Variants in LRP2 observed in about 807,000 individuals in gnomAD.
LRP2 encodes the protein LDL receptor related protein 2.
A neutral mutation model predicts 531.0 loss-of-function variants in LRP2; 172 were observed. The ratio of observed to expected loss-of-function variants is 0.32; its 90% CI spans 0.29 to 0.37. The LOEUF is 0.37. LRP2 is among the 10% of genes least tolerant of loss of function. LRP2 has a pLI of 1.00. For missense variants in LRP2, 5,167 were observed against 5,868.3 expected (o/e 0.88, Z 3.90); for synonymous variants, 1,992 against 2,027.6 (o/e 0.98, Z 0.47).
At chr2:169,360,128 C>A (rs1292566286) in intron 1 of LRP2, among the ~76,000 whole-genome samples, 17 of 105,028 alleles carry the variant, frequency 1.6e-4, no homozygotes, top group Non-Finnish European at 1.8e-4. Flanking sequence ...CTGTCTCTCT[C>A]AAAAAAAAAA....
intron 1 of LRP2, among the ~76,000 whole-genome samples, chr2:169,324,534 C>CA (rs1048673263): frequency 2.5e-4 from 37 of 146,232 alleles, no homozygotes; most frequent in Non-Finnish European, 4.5e-4. Flanking sequence ...GAAAGCAATG[C>CA]AAAAAAAATT....
At chr2:169,145,015 C>A (rs1685857855) in intron 70 of LRP2, among the ~76,000 whole-genome samples, 1 of 152,148 alleles carries the variant, frequency 6.6e-6, no homozygotes, top group South Asian at 2.1e-4. Context: ...ACACAAGTTA[C>A]TAAATCTGTC....
intron 3 of LRP2, among the ~76,000 whole-genome samples, chr2:169,317,692 C>T (rs183403247): frequency 1.5e-3 from 232 of 152,156 alleles, no homozygotes; most frequent in Non-Finnish European, 2.5e-3. Flanking sequence ...TACAAATATC[C>T]TTAATAGAGA....
intron 1 of LRP2, among the ~76,000 whole-genome samples, chr2:169,338,329 A>G (rs1242061768): frequency 6.7e-6 from 1 of 149,608 alleles, no homozygotes; most frequent in African/African-American, 2.5e-5. Flanking sequence ...AATGTAAGAG[A>G]GACAGAGAAA....
Position 169,216,398 on chromosome 2 carries a change from C to T in LRP2, c.5681G>A (p.Ser1894Asn). 4 of 1,613,632 alleles carry T rather than the reference C, an allele frequency of 2.5e-6. No individual in the cohort carries two copies. Among genetic ancestry groups the T allele is most frequent in the Non-Finnish European group, 3.4e-6 (4 of 1,179,664 alleles). ...ACTGGCGATCTTGGCAGGAACCCCA[C>T]TGTCAGTTCCTTGGTCTGACCAGTA... Reference protein sequence around the residue: ...KLYWSDQGTDSGVPAKIASAN... With the variant: ...KLYWSDQGTDNGVPAKIASAN... Residue 1894 changes from serine (S) to asparagine (N), a missense_variant, in exon 35 of 79, where the codon AGT becomes AAT. This residue lies in a region of LRP2 where 2,811 missense variants were observed against 3,058.0 expected (regional missense o/e 0.92). Coordinates refer to ENST00000649046, the MANE Select transcript of LRP2 (RefSeq NM_004525.3).
At chr2:169,344,290 C>T (rs550150058) in intron 1 of LRP2, among the ~76,000 whole-genome samples, 4 of 150,980 alleles carry the variant, frequency 2.6e-5, no homozygotes, top group East Asian at 3.9e-4. Context: ...CCCCAGCAGG[C>T]CCCAGTGTGT....
At chr2:169,139,663 T>C (rs758306547) in intron 72 of LRP2, 53 bp from the exon 73 acceptor site, 35 of 1,487,882 alleles carry the variant, frequency 2.4e-5, no homozygotes, top group Non-Finnish European at 3.3e-5. Flanking sequence ...AGGCTTCTAC[T>C]GCATTTTTCT....
At position 169,299,151 on chromosome 2, in the gene LRP2, GAAAGAAAAAA is replaced by G. The variant is rs1684221284; in HGVS notation, c.428-4451_428-4442del. ...AGAAAGAAAGAAAGAAAGAAAGAAA[GAAAGAAAAAA>G]AGAAAGAAAGAAAAAGAAAGAAAGA... On this transcript the variant is annotated intron_variant, in intron 4 of 78. Transcript: ENST00000649046. Among the ~76,000 whole-genome samples, 6 of 33,102 alleles carry G rather than the reference GAAAGAAAAAA, an allele frequency of 1.8e-4. 1 individual carries two copies. The highest frequency in any genetic ancestry group is 2.5e-4 in the African/African-American group (3 of 12,128). The allele number at this position is 33,102 out of a possible 152,430, so 21.7% of individuals were successfully genotyped here. A position where few individuals can be genotyped will look rare whatever the true frequency, so the allele number is the denominator to read the frequency against.
intron 20 of LRP2, among the ~76,000 whole-genome samples, 169 bp downstream of exon 20, chr2:169,247,209 T>C (rs570902680): frequency 2.0e-5 from 3 of 152,290 alleles, no homozygotes; most frequent in African/African-American, 7.2e-5. Flanking sequence ...GCTAGCAGCA[T>C]TGAACAGAGA....
At chr2:169,262,959 G>A (rs532345461) in intron 16 of LRP2, among the ~76,000 whole-genome samples, 9 of 152,246 alleles carry the variant, frequency 5.9e-5, no homozygotes, top group Non-Finnish European at 1.2e-4. Flanking sequence ...ACAACTATCT[G>A]ATCTTTGACA....
At chr2:169,247,735 G>C (rs1353971854) in intron 19 of LRP2, among the ~76,000 whole-genome samples, 3 of 152,194 alleles carry the variant, frequency 2.0e-5, no homozygotes, top group African/African-American at 7.2e-5. Flanking sequence ...TCAGGTTCAG[G>C]CAAGCACATA....
intron 47 of LRP2, among the ~76,000 whole-genome samples, chr2:169,193,524 T>C (rs1687903221): frequency 6.6e-6 from 1 of 151,404 alleles, no homozygotes; most frequent in Non-Finnish European, 1.5e-5. Context: ...TAGGACATTA[T>C]GTCCATTAGC....
chr2:169,294,468 C>A, intron 5 of LRP2, 132 bp downstream of exon 5: 1 of 784,188 alleles, frequency 1.3e-6, no homozygotes, highest in Non-Finnish European at 2.2e-6. Context: ...ATACTCCTAC[C>A]AACGGCTGAC....
rs776782232 is a variant in LRP2 at position 169,162,507 on chromosome 2, T to A, written c.11852A>T (p.Asp3951Val). 8 of 1,614,112 alleles carry A rather than the reference T, an allele frequency of 5.0e-6. No individual in the cohort carries two copies. The change falls in exon 63 of 79, where the codon GAT becomes GTT. Residue 3951 changes from aspartate to valine, a missense_variant. Physicochemically the swap from Asp to Val is radical, Grantham distance 152. Around this residue, in one of 6 missense-constraint regions of LRP2, gnomAD observed 564 missense variants for 747.7 expected, o/e 0.75. Coordinates refer to ENST00000649046, the MANE Select transcript of LRP2 (RefSeq NM_004525.3). ...TTCATCGGACCAGTCACCACAGTCA[T>A]CGGCATCATCACACACATTGTCATG... The part of the protein sequence containing the change: ...IPHDNVCDDA[D>V]DCGDWSDELG...
intron 15 of LRP2, 110 bp from the exon 16 acceptor site, chr2:169,271,217 TCTGAAA>T: frequency 2.8e-6 from 2 of 703,914 alleles, no homozygotes; most frequent in Non-Finnish European, 4.8e-6. Context: ...AAAATATAAT[TCTGAAA>T]TAAATGTAAA....
chr2:169,310,439 T>G (rs1405676875), intron 3 of LRP2, among the ~76,000 whole-genome samples: 1 of 152,242 alleles, frequency 6.6e-6, no homozygotes, highest in Non-Finnish European at 1.5e-5. Context: ...AAAGGCCTTT[T>G]CTGCGTCTAT....
chr2:169,155,975 C>T (rs982199833), intron 65 of LRP2, among the ~76,000 whole-genome samples: 1 of 152,072 alleles, frequency 6.6e-6, no homozygotes, highest in African/African-American at 2.4e-5. Flanking sequence ...GACATCTTGT[C>T]CACTTTTTGA....
At chr2:169,146,423 A>G (rs1395377216) in intron 69 of LRP2, among the ~76,000 whole-genome samples, 4 of 152,226 alleles carry the variant, frequency 2.6e-5, no homozygotes, top group African/African-American at 4.8e-5. Flanking sequence ...GCGGTTAGAC[A>G]TGAATTAACA....
chr2:169,257,346 A>G, intron 17 of LRP2, 97 bp from the exon 18 acceptor site: 1 of 1,295,756 alleles, frequency 7.7e-7, no homozygotes, highest in Non-Finnish European at 1.1e-6. Context: ...AGATACTGCA[A>G]TTAATTTTGT....
Sources: gnomAD v4.1 joint callset for allele counts (sites outside exome capture counted in the v4.1 genomes callset) on GRCh38, gnomAD v4.1.1 for gene constraint, gnomAD v4.1.1 regional missense constraint, MANE v1.5 for transcripts, NCBI Gene and HGNC (gene_info 2026-07-23, HGNC 2026-07-21) for gene names.